Variants in CRACDL observed in about 807,000 individuals in gnomAD.
CRACDL encodes the protein CRACD like.
Under a neutral mutation model 70.6 loss-of-function variants are expected in CRACDL, and 26 were observed. The ratio of observed to expected loss-of-function variants is 0.37; its 90% CI spans 0.27 to 0.51. The LOEUF (loss-of-function observed/expected upper bound fraction) is 0.51. Among genes scored for constraint, CRACDL ranks in the 20% least tolerant of loss-of-function variants. The probability of loss-of-function intolerance (pLI) is 0.94; values close to 1 mark genes in which losing one functional copy is unlikely to be tolerated. For missense variants in CRACDL, 1,283 were observed against 1,376.9 expected (o/e 0.93, Z 1.08); for synonymous variants, 618 against 615.2 (o/e 1.00, Z -0.07).
rs1006899431 is a variant in CRACDL at position 98,822,216 on chromosome 2, A to G, written c.2057T>C (p.Leu686Pro). 1.2e-6 allele frequency: 2 copies of G among 1,608,134 alleles called. No homozygotes were observed. The highest frequency in any genetic ancestry group is 1.7e-6 in the Non-Finnish European group (2 of 1,179,140). ...TTTGAGCGAGAGGGAGGTGGACCGG[A>G]GCTTGACGGGGAAGGGGTTTCTGTC... Reference protein sequence around the residue: ...SEDRNPFPVKLRSTSLSLKYR... With the variant: ...SEDRNPFPVKPRSTSLSLKYR... Residue 686 changes from leucine to proline, a missense_variant, in exon 7 of 10, where the codon CTC (leucine) becomes CCC (proline). By Grantham distance (98) the Leu-to-Pro change is moderately conservative. This residue lies in a region of CRACDL where 921 missense variants were observed against 881.9 expected (regional missense o/e 1.04). Transcript: ENST00000397899. The surrounding 1 kb of genome is among the most constrained non-coding windows in gnomAD (Gnocchi z 4.9).
At chr2:98,890,547 C>A (rs1558625213) in intron 1 of CRACDL, among the ~76,000 whole-genome samples, 1 of 152,210 alleles carries the variant, frequency 6.6e-6, no homozygotes, top group Non-Finnish European at 1.5e-5. Flanking sequence ...TGGCTTCTAC[C>A]AGATAAATTC....
intron 7 of CRACDL, among the ~76,000 whole-genome samples, chr2:98,819,758 A>G (rs1409782504): frequency 6.6e-6 from 1 of 151,116 alleles, no homozygotes; most frequent in Non-Finnish European, 1.5e-5. Context: ...TAAGAAAGCT[A>G]CTGGGTTCTA....
At chr2:98,795,077 A>ATATATATATATATTTT in intron 9 of CRACDL, among the ~76,000 whole-genome samples, 9 of 58,480 alleles carry the variant, frequency 1.5e-4, no homozygotes, top group African/African-American at 5.3e-4. Context: ...ATATATATAT[A>ATATATATATATATTTT]TTTTTTTTTT....
Position 98,821,862 on chromosome 2 carries a change from C to T in CRACDL, c.2411G>A (p.Gly804Glu). Residue 804 changes from glycine (G) to glutamate (E), a missense_variant, in exon 7 of 10, where the codon GGA becomes GAA. Gly to Glu is a moderately conservative substitution (Grantham distance 98, BLOSUM62 -2). Around this residue, in one of 2 missense-constraint regions of CRACDL, gnomAD observed 921 missense variants for 881.9 expected, o/e 1.04. Transcript: ENST00000397899. ...CACCCTCGGCGGGCTCTTACCAGCT[C>T]CCCTGCGCAGCGGCCTTTTCTCCGC... is the stretch of plus-strand genomic sequence containing the variant. ...RTAEKRPLRRGAEKSLPPAAT... is the reference protein window; with the variant it reads ...RTAEKRPLRREAEKSLPPAAT... 5 of 1,607,406 alleles carry T rather than the reference C, an allele frequency of 3.1e-6. No individual in the cohort carries two copies. Among genetic ancestry groups the T allele is most frequent in the Non-Finnish European group, 4.2e-6 (5 of 1,178,830 alleles).
chr2:98,871,098 A>G (rs1255331563), intron 1 of CRACDL, among the ~76,000 whole-genome samples: 1 of 152,176 alleles, frequency 6.6e-6, no homozygotes, highest in Non-Finnish European at 1.5e-5. Flanking sequence ...TCTCTGCTCA[A>G]ATTTCAGGAG....
In CRACDL at chr2:98,808,301, C is replaced by T. The variant is rs540803763; in HGVS notation, c.2417-10764G>A. Among the ~76,000 whole-genome samples, 180 of 152,286 alleles carry T rather than the reference C, an allele frequency of 1.2e-3. 2 individuals carry two copies. The highest frequency in any genetic ancestry group is 2.1e-3 in the Non-Finnish European group (140 of 68,032). ...CTCAACATTGGCCACACATTAGAAC[C>T]ACCTGGGCAGCCTTTAACACTCTCA... On this transcript the variant is annotated intron_variant, in intron 7 of 9. Transcript: ENST00000397899.
chr2:98,925,782 C>T (rs74665782), intron 1 of CRACDL, among the ~76,000 whole-genome samples: 68 of 152,050 alleles, frequency 4.5e-4, no homozygotes, highest in Non-Finnish European at 8.5e-4. Context: ...GGTGAAGTTA[C>T]CCAAAAGGTG....
rs78950011 is a variant in CRACDL at position 98,926,333 on chromosome 2, A to G, written c.-11+9605T>C. 9.9e-3 allele frequency among the ~76,000 whole-genome samples: 1,506 copies of G among 151,464 alleles called. 29 individuals carry two copies. The highest frequency in any genetic ancestry group is 0.072 in the East Asian group (371 of 5,174). ...TAAGCCACTGTACCCTCCCAGGATT[A>G]GAATGGGGAAGGCTGTCCACTCCAC... On this transcript the variant is annotated intron_variant, in intron 1 of 9. Coordinates refer to ENST00000397899, the MANE Select transcript of CRACDL (RefSeq NM_207362.3).
rs529500041 is a variant in CRACDL at position 98,837,232 on chromosome 2, A to G, written c.239+887T>C. Reference sequence around the variant, plus strand: ...AAAAAAAAAAAAAAAAAAGGTTCCAATCTTTCCTTTCCAGTCATCTGGTGC... The same window carrying G: ...AAAAAAAAAAAAAAAAAAGGTTCCAGTCTTTCCTTTCCAGTCATCTGGTGC... On this transcript the variant is annotated intron_variant, in intron 3 of 9. Coordinates refer to ENST00000397899, the MANE Select transcript of CRACDL (RefSeq NM_207362.3). Among the ~76,000 whole-genome samples, 13 of 150,996 alleles carry G rather than the reference A, an allele frequency of 8.6e-5. No individual in the cohort carries two copies. The South Asian group carries it at 2.7e-3, about 32-fold the overall frequency.
intron 1 of CRACDL, among the ~76,000 whole-genome samples, chr2:98,869,695 G>T (rs942594179): frequency 6.6e-6 from 1 of 152,172 alleles, no homozygotes; most frequent in Non-Finnish European, 1.5e-5. Flanking sequence ...CTCCTGCCTC[G>T]CCTTGATGTC....
At chr2:98,914,862 C>G (rs1284910943) in intron 1 of CRACDL, among the ~76,000 whole-genome samples, 1 of 152,326 alleles carries the variant, frequency 6.6e-6, no homozygotes, top group East Asian at 1.9e-4. Flanking sequence ...TTAGACAGCA[C>G]CATCCCAGGA....
chr2:98,823,578 A>C lies in CRACDL; in HGVS notation c.736-41T>G. ...ATAAAAAGCATCGTCGCTATAGCCA[A>C]TTCCAGGAAGCCTGTCACCTCCCCA... On this transcript the variant is annotated intron_variant, in intron 6 of 9. Transcript: ENST00000397899. This position sits in a 1 kb window ranked among gnomAD's most constrained non-coding sequence, Gnocchi z 4.0. The C allele has an allele frequency of 6.5e-7, 1 of 1,537,312 alleles. No individual in the cohort carries two copies. Among genetic ancestry groups the C allele is most frequent in the Non-Finnish European group, 8.7e-7 (1 of 1,147,658 alleles).
At chr2:98,815,362 G>A (rs1704738283) in intron 7 of CRACDL, among the ~76,000 whole-genome samples, 1 of 152,212 alleles carries the variant, frequency 6.6e-6, no homozygotes, top group Admixed American at 6.5e-5. Flanking sequence ...GCTCAGGGAT[G>A]AGCCCAGAAC....
At chr2:98,809,405 C>A (rs1173682968) in intron 7 of CRACDL, among the ~76,000 whole-genome samples, 1 of 152,018 alleles carries the variant, frequency 6.6e-6, no homozygotes, top group African/African-American at 2.4e-5. Flanking sequence ...ACAAGTGGGT[C>A]ATGTGGTGGT....
At chr2:98,803,032 C>T (rs1343280828) in intron 7 of CRACDL, among the ~76,000 whole-genome samples, 7 of 147,084 alleles carry the variant, frequency 4.8e-5, no homozygotes, top group Non-Finnish European at 7.4e-5. Context: ...TGGAGTCTCG[C>T]TCTGTTGCCC....
At chr2:98,844,398 T>C (rs1706160206) in intron 2 of CRACDL, among the ~76,000 whole-genome samples, 1 of 152,218 alleles carries the variant, frequency 6.6e-6, no homozygotes, top group Admixed American at 6.5e-5. Flanking sequence ...ATTGATGCCT[T>C]CATGTGTCTG....
rs1193797513 is a variant in CRACDL, at chr2:98,819,882, T to C, written c.2416+1975A>G. 3.0e-3 allele frequency among the ~76,000 whole-genome samples: 429 copies of C among 141,840 alleles called. 2 individuals carry two copies. The highest frequency in any genetic ancestry group is 3.6e-3 in the Non-Finnish European group (236 of 66,358). 93.1% of individuals were successfully genotyped at this position (141,840 alleles called of 152,430 possible). On this transcript the variant is annotated intron_variant, in intron 7 of 9. Transcript: ENST00000397899. The stretch of plus-strand genomic sequence containing the variant: ...TCACCCAGGCTGGAGTGCAGTGGCG[T>C]GATCTCGGCTCACTGCAACCTCCGC...
intron 5 of CRACDL, 100 bp from the exon 6 acceptor site, chr2:98,827,269 C>T (rs765161961): frequency 3.0e-4 from 241 of 795,594 alleles, no homozygotes; most frequent in Non-Finnish European, 4.4e-4. Context: ...GCTGTCTTCC[C>T]ACACTGTCTC....
chr2:98,823,588 G>A lies in CRACDL; in HGVS notation c.736-51C>T, dbSNP rs1705190356. On this transcript the variant is annotated intron_variant, in intron 6 of 9. Transcript: ENST00000397899. The surrounding 1 kb of genome is among the most constrained non-coding windows in gnomAD (Gnocchi z 4.0). The stretch of plus-strand genomic sequence containing the variant: ...TCGTCGCTATAGCCAATTCCAGGAA[G>A]CCTGTCACCTCCCCACTTTTTTCAA... 6.5e-7 allele frequency: 1 copy of A among 1,535,360 alleles called. No individual in the cohort carries two copies. Among genetic ancestry groups the A allele is most frequent in the African/African-American group, 1.4e-5 (1 of 73,028 alleles).
Sources: allele counts gnomAD v4.1 joint callset (sites outside exome capture counted in the v4.1 genomes callset), GRCh38; gene constraint gnomAD v4.1.1; regional missense constraint gnomAD v4.1.1; non-coding constraint Gnocchi (gnomAD v3.1); transcripts MANE v1.5; gene names NCBI Gene and HGNC (gene_info 2026-07-23, HGNC 2026-07-21).